MIA2: variants seen among roughly 807,000 people sequenced by gnomAD.
The protein encoded by MIA2 is MIA SH3 domain ER export factor 2.
In MIA2, 127 loss-of-function variants were observed where a neutral mutation model predicts 167.8. The ratio of observed to expected loss-of-function variants is 0.76; its 90% CI spans 0.66 to 0.88. The LOEUF is 0.88. Ranked by LOEUF, MIA2 falls within the 40% of genes least tolerant of loss-of-function variation. MIA2 has a pLI of 0.00. For synonymous variants in MIA2, 552 were observed against 541.9 expected, an observed-to-expected ratio of 1.02 and a Z score of -0.26; for missense variants, 1,690 against 1,624.7, an observed-to-expected ratio of 1.04 and a Z score of -0.69.
In MIA2 at chr14:39,247,580, C is replaced by G. The variant is rs776490519; in HGVS notation, c.1006C>G (p.Pro336Ala). 2 of 1,614,006 alleles carry G rather than the reference C, an allele frequency of 1.2e-6. No individual in the cohort carries two copies. Among genetic ancestry groups the G allele is most frequent in the Non-Finnish European group, 1.7e-6 (2 of 1,180,016 alleles). Reference protein sequence around the residue: ...GLELIAEESNPPLQDFPNSIS... With the variant: ...GLELIAEESNAPLQDFPNSIS... ...TGAATTAATAGCTGAAGAAAGCAATCCACCACTACAAGATTTTCCCAATTC... is the reference window on the plus strand; with the variant it reads ...TGAATTAATAGCTGAAGAAAGCAATGCACCACTACAAGATTTTCCCAATTC... Residue 336 changes from proline to alanine, a missense_variant, in exon 4 of 29, where the codon CCA becomes GCA. Physicochemically the swap from Pro to Ala is conservative, Grantham distance 27. Coordinates refer to ENST00000640607, the MANE Select transcript of MIA2 (RefSeq NM_001329214.4).
chr14:39,246,731 A>T (rs1378243374), intron 3 of MIA2, among the ~76,000 whole-genome samples, 180 bp from the exon 4 acceptor site: 1 of 152,190 alleles, frequency 6.6e-6, no homozygotes, highest in Non-Finnish European at 1.5e-5. Context: ...AAGGTTTTTC[A>T]TTTAGGTTTA....
At chr14:39,252,672 T>C (rs112750104) in intron 4 of MIA2, 76 bp from the exon 5 acceptor site, 3 of 1,085,146 alleles carry the variant, frequency 2.8e-6, no homozygotes, top group Non-Finnish European at 4.0e-6. Context: ...AAAAATGACC[T>C]GCCTAGAAAA....
intron 9 of MIA2, among the ~76,000 whole-genome samples, chr14:39,289,930 A>G (rs11157054): frequency 0.55 from 83,476 of 152,066 alleles, 24,669 homozygotes; most frequent in South Asian, 0.67. Context: ...TTCTGCTTCT[A>G]TCTTATATCA....
intron 23 of MIA2, among the ~76,000 whole-genome samples, chr14:39,381,022 C>CA (rs59734735): frequency 0.1 from 11,327 of 109,514 alleles, 501 homozygotes; most frequent in African/African-American, 0.17. Flanking sequence ...GTAAAAAAAA[C>CA]AAAAAAAAAA....
intron 25 of MIA2, among the ~76,000 whole-genome samples, chr14:39,328,133 GTT>G (rs1423783481): frequency 6.6e-6 from 1 of 152,160 alleles, no homozygotes; most frequent in Non-Finnish European, 1.5e-5. Flanking sequence ...AGCATCTGTA[GTT>G]TCCTGACTTT....
chr14:39,243,540 A>G (rs2054155945), intron 3 of MIA2, among the ~76,000 whole-genome samples: 1 of 152,202 alleles, frequency 6.6e-6, no homozygotes, highest in African/African-American at 2.4e-5. Flanking sequence ...AATTTATTTG[A>G]TCACAATTTT....
chr14:39,298,537 T>TGTTG (rs148951664), intron 13 of MIA2, among the ~76,000 whole-genome samples: 16 of 99,540 alleles, frequency 1.6e-4, no homozygotes, highest in Admixed American at 3.8e-4. Flanking sequence ...AGAGTTTTTT[T>TGTTG]TTTTTTTTTT....
chr14:39,315,608 C>A, intron 20 of MIA2, 75 bp from the exon 21 acceptor site: 1 of 1,141,184 alleles, frequency 8.8e-7, no homozygotes, highest in Non-Finnish European at 1.3e-6. Flanking sequence ...TGCACTACAT[C>A]ATAGTGGTAG....
rs753658285 is a variant in MIA2 at position 39,234,198 on chromosome 14, C to A, written c.84C>A (p.Asp28Glu). 1.2e-6 allele frequency: 2 copies of A among 1,608,608 alleles called. No individual in the cohort carries two copies. The highest frequency in any genetic ancestry group is 1.7e-6 in the Non-Finnish European group (2 of 1,177,846). ...TGGAGAGTACAAAACTGCTGGCAGA[C>A]CTTAAAAAATGTGGTGACTTGGAAT... ...KCLESTKLLA[D>E]LKKCGDLECE... is the part of the protein sequence containing the mutation. The change falls in exon 1 of 29, where the codon GAC becomes GAA. Residue 28 changes from aspartate (D) to glutamate (E), a missense_variant. Asp to Glu is a conservative substitution (Grantham distance 45). Transcript: ENST00000640607.
chr14:39,275,069 C>T (rs1415433703), intron 6 of MIA2, among the ~76,000 whole-genome samples: 10 of 115,278 alleles, frequency 8.7e-5, no homozygotes, highest in Non-Finnish European at 1.3e-4. Context: ...AGTGAGACTC[C>T]GTCTCAAAAA....
At chr14:39,334,197 G>A (rs1394429528) in intron 25 of MIA2, among the ~76,000 whole-genome samples, 2 of 152,164 alleles carry the variant, frequency 1.3e-5, no homozygotes, top group African/African-American at 4.8e-5. Flanking sequence ...TGAACAGGCC[G>A]GGTGTGGTGG....
chr14:39,243,372 G>A (rs953952309), intron 3 of MIA2, among the ~76,000 whole-genome samples: 12 of 152,158 alleles, frequency 7.9e-5, no homozygotes, highest in African/African-American at 2.4e-4. Context: ...ACTAGAGACA[G>A]TTACTATTCT....
intron 25 of MIA2, among the ~76,000 whole-genome samples, chr14:39,341,957 A>T (rs2071973755): frequency 6.6e-6 from 1 of 152,146 alleles, no homozygotes; most frequent in African/African-American, 2.4e-5. Flanking sequence ...CATTTTACAG[A>T]TGAAGAAACA....
intron 27 of MIA2, 95 bp from the exon 28 acceptor site, chr14:39,348,648 T>C (rs2073911830): frequency 6.6e-7 from 1 of 1,514,736 alleles, no homozygotes; most frequent in African/African-American, 1.4e-5. Context: ...CATGGAATGC[T>C]TTCTGTCTAG....
chr14:39,245,700 C>CAA (rs142282452), intron 3 of MIA2, among the ~76,000 whole-genome samples: 3 of 151,444 alleles, frequency 2.0e-5, no homozygotes, highest in Admixed American at 6.6e-5. Context: ...GGGGAGAAAG[C>CAA]GAGAGAGAGA....
At position 39,247,614 on chromosome 14, in the gene MIA2, C is replaced by T. The variant is rs778447741; in HGVS notation, c.1040C>T (p.Ser347Phe). 7 of 1,613,726 alleles carry T rather than the reference C, an allele frequency of 4.3e-6. No individual in the cohort carries two copies. The Admixed American group carries it at 8.3e-5, about 19-fold the overall frequency. Reference sequence around the variant, plus strand: ...CAAGATTTTCCCAATTCCATATCATCTGATAAAGAAGCCACAGTTCCATGT... The same window carrying T: ...CAAGATTTTCCCAATTCCATATCATTTGATAAAGAAGCCACAGTTCCATGT... ...PLQDFPNSIS[S>F]DKEATVPCTE... The change falls in exon 4 of 29, where the codon TCT becomes TTT. Residue 347 changes from serine (S) to phenylalanine (F), a missense_variant. Ser to Phe is a radical substitution (Grantham distance 155). Transcript: ENST00000640607.
At chr14:39,285,219 A>G (rs1248745603) in intron 9 of MIA2, among the ~76,000 whole-genome samples, 1 of 151,980 alleles carries the variant, frequency 6.6e-6, no homozygotes, top group East Asian at 1.9e-4. Flanking sequence ...TTTCTATTCC[A>G]CAAAACCGCC....
At chr14:39,243,600 T>A (rs2054159071) in intron 3 of MIA2, among the ~76,000 whole-genome samples, 1 of 152,100 alleles carries the variant, frequency 6.6e-6, no homozygotes, top group African/African-American at 2.4e-5. Context: ...GGGTGGTGGC[T>A]CATGCCTGTA....
At chr14:39,235,805 T>C (rs1031708260) in intron 1 of MIA2, among the ~76,000 whole-genome samples, 4 of 151,676 alleles carry the variant, frequency 2.6e-5, no homozygotes, top group African/African-American at 9.7e-5. Flanking sequence ...GAAAAAAAAA[T>C]TTTTCTTTCC....
Sources: allele counts gnomAD v4.1 joint callset (sites outside exome capture counted in the v4.1 genomes callset), GRCh38; gene constraint gnomAD v4.1.1; transcripts MANE v1.5; gene names NCBI Gene and HGNC (gene_info 2026-07-23, HGNC 2026-07-21).